KLHL14: variants seen among roughly 807,000 people sequenced by gnomAD.
The protein encoded by KLHL14 is kelch-like protein 14.
KLHL14 carries 22 observed loss-of-function variants against 64.3 expected under a neutral mutation model. That is an observed-to-expected ratio of 0.34 (90% CI 0.24 to 0.49). The LOEUF (loss-of-function observed/expected upper bound fraction) is 0.49. Ranked by LOEUF, KLHL14 falls within the 20% of genes least tolerant of loss-of-function variation. The pLI, the probability that KLHL14 is intolerant of heterozygous loss-of-function variation, is 0.99. For synonymous variants in KLHL14, 322 were observed against 333.4 expected (o/e 0.97, Z 0.37); for missense variants, 661 against 789.0 (o/e 0.84, Z 1.94).
chr18:32,695,704 C>T (rs891205532), intron 3 of KLHL14, 152 bp from the exon 4 acceptor site: 1 of 618,414 alleles, frequency 1.6e-6, no homozygotes, highest in Non-Finnish European at 2.9e-6. Context: ...CACTACTCAC[C>T]AATCCAGGGA....
chr18:32,680,051 T>C lies in KLHL14; in HGVS notation c.1588+118A>G. ...GCCAATTTACACAGAGTAGATTTTA[T>C]TAGGTCAACATGTTTTTTACTTGGT... On this transcript the variant is annotated intron_variant, in intron 7 of 8. Transcript: ENST00000359358. The surrounding 1 kb of genome is among the most constrained non-coding windows in gnomAD (Gnocchi z 4.8). 9.8e-7 allele frequency: 1 copy of C among 1,020,564 alleles called. No homozygotes were observed. Among genetic ancestry groups the C allele is most frequent in the Admixed American group, 2.6e-5 (1 of 37,820 alleles). The allele number at this position is 1,020,564 out of a possible 1,614,324, so 63.2% of individuals were successfully genotyped here. A position where few individuals can be genotyped will look rare whatever the true frequency, so the allele number is the denominator to read the frequency against.
chr18:32,693,088 T>C (rs2049916178), intron 4 of KLHL14, among the ~76,000 whole-genome samples: 1 of 152,182 alleles, frequency 6.6e-6, no homozygotes, highest in South Asian at 2.1e-4. Context: ...GGCTGCTGAA[T>C]GCTGGCTGCT....
chr18:32,723,694 G>A (rs970430409), intron 3 of KLHL14, among the ~76,000 whole-genome samples: 7 of 152,172 alleles, frequency 4.6e-5, no homozygotes, highest in Admixed American at 3.9e-4. Flanking sequence ...GGTCAAGGAT[G>A]TGTCCAAGCT....
chr18:32,744,081 G>A lies in KLHL14; in HGVS notation c.948-2032C>T, dbSNP rs369412234. On this transcript the variant is annotated intron_variant, in intron 2 of 8. Coordinates refer to ENST00000359358, the MANE Select transcript of KLHL14 (RefSeq NM_020805.3). ...AGTTGGGGGTAGATCAGTATCAACA[G>A]GATAGACACAGAGGAAAGAACTCAT... 2.6e-5 allele frequency: 4 copies of A among 152,150 alleles called. No homozygotes were observed. In the East Asian group the frequency reaches 7.7e-4, roughly 29 times the overall value. 9.4% of individuals were successfully genotyped at this position (152,150 alleles called of 1,614,324 possible).
intron 2 of KLHL14, among the ~76,000 whole-genome samples, chr18:32,762,497 A>C (rs1357882117): frequency 1.3e-5 from 2 of 151,450 alleles, no homozygotes. Context: ...ATTACCCTAT[A>C]ATTTATTTTC....
chr18:32,747,421 T>A (rs1417119977), intron 2 of KLHL14, among the ~76,000 whole-genome samples: 1 of 152,180 alleles, frequency 6.6e-6, no homozygotes, highest in East Asian at 1.9e-4. Flanking sequence ...AACTAGACAG[T>A]CCCATCTGGG....
intron 5 of KLHL14, among the ~76,000 whole-genome samples, chr18:32,685,700 A>C (rs552420256): frequency 3.9e-5 from 6 of 152,324 alleles, no homozygotes; most frequent in African/African-American, 1.4e-4. Context: ...TTAATGTATC[A>C]TGCCTCATCA....
At chr18:32,748,275 C>T (rs1219972085) in intron 2 of KLHL14, among the ~76,000 whole-genome samples, 2 of 152,186 alleles carry the variant, frequency 1.3e-5, no homozygotes, top group East Asian at 3.9e-4. Flanking sequence ...AGTGCAGTGG[C>T]GTGATCTCGG....
intron 3 of KLHL14, among the ~76,000 whole-genome samples, chr18:32,733,389 G>GGAGAGAGAGAGAGA (rs34935950): frequency 2.0e-5 from 3 of 147,420 alleles, no homozygotes; most frequent in Admixed American, 6.8e-5. Flanking sequence ...GAGAGAGAAA[G>GGAGAGAGAGAGAGA]GAGAGAGAGA....
intron 4 of KLHL14, among the ~76,000 whole-genome samples, chr18:32,688,988 G>GA (rs2049894310): frequency 6.6e-6 from 1 of 152,080 alleles, no homozygotes; most frequent in South Asian, 2.1e-4. Flanking sequence ...CTTGAATATT[G>GA]GTATGAGAAA....
intron 2 of KLHL14, among the ~76,000 whole-genome samples, chr18:32,753,308 T>A (rs1472982338): frequency 1.3e-5 from 2 of 152,200 alleles, no homozygotes; most frequent in Non-Finnish European, 2.9e-5. Flanking sequence ...TGCCACTTCC[T>A]GTCTGTGTGA....
chr18:32,738,823 CACTATT>C (rs1196929850), intron 3 of KLHL14: 3 of 152,090 alleles, frequency 2.0e-5, no homozygotes, highest in African/African-American at 7.2e-5. Flanking sequence ...CCATTCAACT[CACTATT>C]ACTTAAGTGT....
At chr18:32,693,411 CACAGAGAGAGAGAG>C (rs1310135324) in intron 4 of KLHL14, among the ~76,000 whole-genome samples, 13 of 113,068 alleles carry the variant, frequency 1.1e-4, no homozygotes, top group African/African-American at 4.8e-4. Context: ...CACACACACA[CACAGAGAGAGAGAG>C]AGAGAGAGAG....
At chr18:32,700,180 CAA>C (rs2049957992) in intron 3 of KLHL14, among the ~76,000 whole-genome samples, 1 of 152,038 alleles carries the variant, frequency 6.6e-6, no homozygotes, top group Non-Finnish European at 1.5e-5. Flanking sequence ...AATATCCAAA[CAA>C]GAGATTGCAA....
At chr18:32,720,490 A>G (rs1245342592) in intron 3 of KLHL14, among the ~76,000 whole-genome samples, 2 of 152,178 alleles carry the variant, frequency 1.3e-5, no homozygotes, top group African/African-American at 2.4e-5. Flanking sequence ...TTTAAGGCCA[A>G]ATGGAGATGT....
intron 2 of KLHL14, chr18:32,743,429 T>A (rs2050209179): frequency 6.6e-6 from 1 of 152,162 alleles, no homozygotes; most frequent in Non-Finnish European, 1.5e-5. Flanking sequence ...ACAAGAGAAT[T>A]CCTTTGATGA....
intron 3 of KLHL14, among the ~76,000 whole-genome samples, chr18:32,718,849 GAC>G (rs375310969): frequency 6.6e-6 from 1 of 152,080 alleles, no homozygotes; most frequent in Admixed American, 6.5e-5. Context: ...TCACAATATT[GAC>G]ACAGTCTAGC....
At chr18:32,755,101 C>G (rs2050275220) in intron 2 of KLHL14, among the ~76,000 whole-genome samples, 1 of 152,012 alleles carries the variant, frequency 6.6e-6, no homozygotes, top group Non-Finnish European at 1.5e-5. Flanking sequence ...TTTCCTCTCC[C>G]TCCTTGTAGG....
chr18:32,697,842 C>T (rs959384235), intron 3 of KLHL14, among the ~76,000 whole-genome samples: 25 of 152,128 alleles, frequency 1.6e-4, no homozygotes, highest in African/African-American at 6.0e-4. Flanking sequence ...TCTTTGAAGT[C>T]CTACTTTAAA....
Sources: allele counts gnomAD v4.1 joint callset (sites outside exome capture counted in the v4.1 genomes callset), GRCh38; gene constraint gnomAD v4.1.1; non-coding constraint Gnocchi (gnomAD v3.1); transcripts MANE v1.5; gene names NCBI Gene and HGNC (gene_info 2026-07-23, HGNC 2026-07-21).